TNPO1: variants seen among roughly 807,000 people sequenced by gnomAD.
TNPO1 encodes transportin-1.
A neutral mutation model predicts 119.5 loss-of-function variants in TNPO1; 8 were observed. The observed-to-expected ratio is 0.07, with a 90% CI of 0.04 to 0.12. The LOEUF (loss-of-function observed/expected upper bound fraction) is 0.12, where lower values mean the gene tolerates loss of function less well. Ranked by LOEUF, TNPO1 falls within the 10% of genes least tolerant of loss-of-function variation. The pLI, the probability that TNPO1 is intolerant of heterozygous loss-of-function variation, is 1.00. For synonymous variants in TNPO1, 362 were observed against 363.0 expected, an observed-to-expected ratio of 1.00 and a Z score of 0.03; for missense variants, 576 against 1,089.8, an observed-to-expected ratio of 0.53 and a Z score of 6.64.
intron 1 of TNPO1, among the ~76,000 whole-genome samples, chr5:72,845,978 T>A (rs1039227488): frequency 6.6e-6 from 1 of 152,170 alleles, no homozygotes; most frequent in African/African-American, 2.4e-5. Flanking sequence ...AGACTTTAAG[T>A]TCCCCATCCC....
chr5:72,871,578 TAGAC>T (rs1430396317), intron 6 of TNPO1, among the ~76,000 whole-genome samples: 1 of 152,192 alleles, frequency 6.6e-6, no homozygotes. Context: ...AGATCAGGGA[TAGAC>T]AGTGATTCAG....
intron 9 of TNPO1, among the ~76,000 whole-genome samples, chr5:72,880,617 C>T (rs1240903003): frequency 6.6e-6 from 1 of 152,106 alleles, no homozygotes. Context: ...GAGTTCAAGA[C>T]CAGCTTGGCC....
chr5:72,903,852 T>C, intron 23 of TNPO1, 69 bp downstream of exon 23: 2 of 1,085,108 alleles, frequency 1.8e-6, no homozygotes, highest in Non-Finnish European at 2.7e-6. Context: ...CTTTAAATTA[T>C]GTTTACATTT....
intron 1 of TNPO1, chr5:72,817,005 G>A: frequency 2.1e-6 from 1 of 484,014 alleles, no homozygotes. Context: ...TCCCGTTAGG[G>A]GCGGCAGGAG....
intron 14 of TNPO1, among the ~76,000 whole-genome samples, chr5:72,890,631 T>G (rs913220758): frequency 2.0e-5 from 3 of 152,180 alleles, no homozygotes; most frequent in East Asian, 1.9e-4. Flanking sequence ...CTGTTGGTTG[T>G]TTGGTTTGGC....
chr5:72,891,721 T>C, intron 14 of TNPO1, 89 bp from the exon 15 acceptor site: 3 of 949,400 alleles, frequency 3.2e-6, no homozygotes, highest in Non-Finnish European at 4.9e-6. Context: ...ACACAATTGC[T>C]CAAAATGGAT....
intron 24 of TNPO1, among the ~76,000 whole-genome samples, chr5:72,908,272 A>G (rs34958): frequency 0.48 from 73,234 of 151,582 alleles, 18,867 homozygotes; most frequent in Admixed American, 0.61. Flanking sequence ...ATACTGGGGG[A>G]AAAAAAGATG....
At chr5:72,818,377 A>G (rs1259652019) in intron 1 of TNPO1, among the ~76,000 whole-genome samples, 1 of 152,186 alleles carries the variant, frequency 6.6e-6, no homozygotes. Flanking sequence ...TATTGTATTC[A>G]TTGTTTTTAT....
rs760048841 is a variant in TNPO1, at chr5:72,891,776, T to A, written c.1702-34T>A. The A allele has an allele frequency of 1.2e-5, 17 of 1,460,734 alleles. No individual in the cohort carries two copies. The South Asian group carries it at 1.9e-4, about 17-fold the overall frequency. 90.5% of individuals were successfully genotyped at this position (1,460,734 alleles called of 1,614,324 possible). A position where few individuals can be genotyped will look rare whatever the true frequency, so the allele number is the denominator to read the frequency against. Reference sequence around the variant, plus strand: ...AAATGGTCTTGTTGACATGTGATAGTGGAATTTTATATGTTTTTCATCATT... The same window carrying A: ...AAATGGTCTTGTTGACATGTGATAGAGGAATTTTATATGTTTTTCATCATT... On this transcript the variant is annotated intron_variant, in intron 14 of 24. Coordinates refer to ENST00000337273, the MANE Select transcript of TNPO1 (RefSeq NM_002270.4).
chr5:72,837,502 T>C (rs1713325466), intron 1 of TNPO1, among the ~76,000 whole-genome samples: 1 of 152,212 alleles, frequency 6.6e-6, no homozygotes, highest in Non-Finnish European at 1.5e-5. Context: ...CTCTTAATAC[T>C]ATCGCATTTG....
chr5:72,852,384 CA>C (rs776671470), intron 3 of TNPO1, among the ~76,000 whole-genome samples: 2 of 152,096 alleles, frequency 1.3e-5, no homozygotes, highest in Non-Finnish European at 2.9e-5. Context: ...ACAAAACAGA[CA>C]AAAATCACTG....
intron 6 of TNPO1, among the ~76,000 whole-genome samples, chr5:72,866,146 A>C (rs1027100837): frequency 1.3e-5 from 2 of 152,180 alleles, no homozygotes; most frequent in African/African-American, 4.8e-5. Flanking sequence ...GTACAAATGA[A>C]TCCATCACCT....
chr5:72,848,164 A>T, intron 1 of TNPO1: 1 of 1,177,234 alleles, frequency 8.5e-7, no homozygotes, highest in South Asian at 3.0e-5. Context: ...CCGCGGCGGC[A>T]GCAGCAGCAG....
intron 1 of TNPO1, among the ~76,000 whole-genome samples, chr5:72,838,376 T>A (rs1468830508): frequency 6.6e-6 from 1 of 152,246 alleles, no homozygotes. Context: ...TGTGCTAATT[T>A]TTTTTTAATT....
intron 24 of TNPO1, among the ~76,000 whole-genome samples, chr5:72,905,750 C>T (rs1750096175): frequency 6.6e-6 from 1 of 152,020 alleles, no homozygotes; most frequent in Non-Finnish European, 1.5e-5. Flanking sequence ...CAAAAATTAG[C>T]CACGTGTGGT....
chr5:72,816,900 G>A, intron 1 of TNPO1, 148 bp downstream of exon 1: 1 of 1,042,288 alleles, frequency 9.6e-7, no homozygotes, highest in Non-Finnish European at 1.3e-6. Context: ...GAGAGGCAGC[G>A]GCGGCGCGGT....
At position 72,905,681 on chromosome 5, in the gene TNPO1, G is replaced by A. The variant is rs532988075; in HGVS notation, c.*35+236G>A. 5 of 216,624 alleles carry A rather than the reference G, an allele frequency of 2.3e-5. No individual in the cohort carries two copies. In the South Asian group the frequency reaches 6.6e-4, roughly 28 times the overall value. The allele number at this position is 216,624 out of a possible 1,614,324, so 13.4% of individuals were successfully genotyped here. On this transcript the variant is annotated intron_variant, in intron 24 of 24. Coordinates refer to ENST00000337273, the MANE Select transcript of TNPO1 (RefSeq NM_002270.4). ...AGGCCAAGGTGGGCAGGTCATTTGA[G>A]GTCAGGAGTTTGAAACCAGCCTGGC...
At chr5:72,844,883 A>G (rs1453137407) in intron 1 of TNPO1, among the ~76,000 whole-genome samples, 1 of 152,196 alleles carries the variant, frequency 6.6e-6, no homozygotes, top group Non-Finnish European at 1.5e-5. Context: ...TTTACTTCAC[A>G]TGATTCTCAA....
At chr5:72,820,579 A>G (rs10069833) in intron 1 of TNPO1, among the ~76,000 whole-genome samples, 3,447 of 152,290 alleles carry the variant, frequency 0.023, 59 homozygotes, top group South Asian at 0.04. Flanking sequence ...AGTTACTTCT[A>G]TTTTACTGAT....
Sources: gnomAD v4.1 joint callset for allele counts (sites outside exome capture counted in the v4.1 genomes callset) on GRCh38, gnomAD v4.1.1 for gene constraint, MANE v1.5 for transcripts, NCBI Gene and HGNC (gene_info 2026-07-23, HGNC 2026-07-21) for gene names.